Variants in GALK2 observed in about 807,000 individuals in gnomAD.
GALK2 encodes galactokinase 2.
A neutral mutation model predicts 52.4 loss-of-function variants in GALK2; 36 were observed. The ratio of observed to expected loss-of-function variants is 0.69; its 90% CI spans 0.53 to 0.91. The LOEUF (loss-of-function observed/expected upper bound fraction) is 0.91. GALK2 is among the 40% of genes least tolerant of loss of function. The pLI, the probability that GALK2 is intolerant of heterozygous loss-of-function variation, is 0.00. For synonymous variants in GALK2, 176 were observed against 199.1 expected, an observed-to-expected ratio of 0.88 and a Z score of 0.98; for missense variants, 579 against 559.1, an observed-to-expected ratio of 1.04 and a Z score of -0.36.
chr15:49,318,630 AAT>A (rs575508200), intron 8 of GALK2, among the ~76,000 whole-genome samples: 3 of 151,608 alleles, frequency 2.0e-5, no homozygotes, highest in African/African-American at 4.8e-5. Context: ...ATAATGCTGC[AAT>A]ATATATATAT....
chr15:49,277,713 G>A (rs956930982), intron 5 of GALK2, among the ~76,000 whole-genome samples: 25 of 150,900 alleles, frequency 1.7e-4, no homozygotes, highest in Non-Finnish European at 3.5e-4. Flanking sequence ...GGAGAATGGC[G>A]TGAACCCGGG....
chr15:49,321,353 G>A (rs564298637), intron 9 of GALK2, among the ~76,000 whole-genome samples: 11 of 152,174 alleles, frequency 7.2e-5, no homozygotes. Context: ...GAAGGAAGTG[G>A]GGAGCCACAC....
chr15:49,354,304 C>T (rs932336404), intron 3 of GALK2, among the ~76,000 whole-genome samples: 26 of 152,134 alleles, frequency 1.7e-4, no homozygotes, highest in African/African-American at 2.7e-4. Context: ...ACGCAGAAGA[C>T]GGGTGATTTC....
chr15:49,319,222 G>C (rs1567058473), intron 8 of GALK2: 1 of 352,820 alleles, frequency 2.8e-6, no homozygotes, highest in East Asian at 7.6e-5. Context: ...CCAAAGTGCT[G>C]GGATTACGGA....
chr15:49,192,485 G>GTGTGTGTATATA (rs1360198549), intron 1 of GALK2, among the ~76,000 whole-genome samples: 1 of 102,976 alleles, frequency 9.7e-6, no homozygotes, highest in African/African-American at 4.1e-5. Context: ...ATATATATAT[G>GTGTGTGTATATA]TATATATATA....
downstream of GALK2, among the ~76,000 whole-genome samples, chr15:49,333,808 AGTT>A (rs2039236533): frequency 6.6e-6 from 1 of 152,190 alleles, no homozygotes; most frequent in East Asian, 1.9e-4. Context: ...AATACTTTAT[AGTT>A]GTTCTTCCTA....
intron 1 of GALK2, among the ~76,000 whole-genome samples, chr15:49,192,473 TTATATATATATGTATATATATATATA>T (rs2086796530): frequency 1.2e-5 from 1 of 82,394 alleles, no homozygotes; most frequent in African/African-American, 4.6e-5. Flanking sequence ...GCAATGAATA[TTATATATATATGTATATATATATATA>T]TATATATATA....
At chr15:49,216,308 G>C (rs962697066) in intron 2 of GALK2, among the ~76,000 whole-genome samples, 2 of 152,202 alleles carry the variant, frequency 1.3e-5, no homozygotes, top group Non-Finnish European at 2.9e-5. Context: ...CCCTCTGAAT[G>C]AGAGTGGGTC....
upstream of GALK2, chr15:49,169,950 G>A (rs563399962): frequency 4.7e-4 from 95 of 201,278 alleles, no homozygotes; most frequent in South Asian, 5.0e-3. Context: ...GAAACTAGGT[G>A]TATGTAGGGC....
intron 1 of GALK2, among the ~76,000 whole-genome samples, chr15:49,196,268 A>G (rs370928648): frequency 6.6e-6 from 1 of 152,122 alleles, no homozygotes; most frequent in East Asian, 1.9e-4. Flanking sequence ...GTTTAGAGCT[A>G]TGGAGTTTTC....
intron 5 of GALK2, among the ~76,000 whole-genome samples, chr15:49,247,188 G>A (rs533627254): frequency 5.3e-5 from 8 of 152,252 alleles, no homozygotes; most frequent in African/African-American, 1.9e-4. Flanking sequence ...TCATGTCTCA[G>A]GAATAAGAGG....
At chr15:49,177,198 C>G (rs774467333) in intron 1 of GALK2, among the ~76,000 whole-genome samples, 2 of 151,916 alleles carry the variant, frequency 1.3e-5, no homozygotes, top group Non-Finnish European at 2.9e-5. Context: ...TCCCCTGGTT[C>G]AATAAATTTT....
At chr15:49,196,417 G>C (rs192407852) in intron 1 of GALK2, among the ~76,000 whole-genome samples, 1 of 152,076 alleles carries the variant, frequency 6.6e-6, no homozygotes, top group Non-Finnish European at 1.5e-5. Flanking sequence ...TTTGCAGGTA[G>C]GAAGACCTTT....
intron 3 of GALK2, among the ~76,000 whole-genome samples, chr15:49,350,538 G>A (rs1243474971): frequency 7.9e-5 from 12 of 152,074 alleles, no homozygotes; most frequent in Non-Finnish European, 1.5e-5. Context: ...GAATAGTGGG[G>A]GAAAGCAAAT....
intron 1 of GALK2, among the ~76,000 whole-genome samples, chr15:49,186,215 C>G (rs897574233): frequency 6.6e-6 from 1 of 152,174 alleles, no homozygotes; most frequent in African/African-American, 2.4e-5. Flanking sequence ...CTCTCTCACT[C>G]TCTATGCTTT....
intron 8 of GALK2, among the ~76,000 whole-genome samples, chr15:49,299,747 C>CTTTCTTTCTTTCTTTTTTTTT (rs1567037363): frequency 7.6e-4 from 93 of 121,672 alleles, no homozygotes; most frequent in African/African-American, 2.9e-3. Flanking sequence ...TTCTTTCTTT[C>CTTTCTTTCTTTCTTTTTTTTT]TTTCTTTCTT....
chr15:49,332,694 C>A (rs144549177), downstream of GALK2, among the ~76,000 whole-genome samples: 2 of 152,214 alleles, frequency 1.3e-5, no homozygotes, highest in African/African-American at 4.8e-5. Flanking sequence ...TATTTAAAAA[C>A]TATTTTTCCA....
At chr15:49,194,738 A>G (rs1424650090) in intron 1 of GALK2, among the ~76,000 whole-genome samples, 3 of 150,552 alleles carry the variant, frequency 2.0e-5, no homozygotes, top group African/African-American at 7.3e-5. Context: ...TAGGATTACA[A>G]GCACGTGCCA....
chr15:49,236,162 A>G (rs1340033290), intron 4 of GALK2, among the ~76,000 whole-genome samples: 1 of 152,220 alleles, frequency 6.6e-6, no homozygotes, highest in African/African-American at 2.4e-5. Context: ...CTGTTCATAA[A>G]TAGGTGCATC....
Sources: gnomAD v4.1 joint callset for allele counts (sites outside exome capture counted in the v4.1 genomes callset) on GRCh38, gnomAD v4.1.1 for gene constraint, MANE v1.5 for transcripts, NCBI Gene and HGNC (gene_info 2026-07-23, HGNC 2026-07-21) for gene names.